PLEKHG4B: variants seen among roughly 807,000 people sequenced by gnomAD.
The protein encoded by PLEKHG4B is pleckstrin homology domain-containing family G member 4B.
A neutral mutation model predicts 121.3 loss-of-function variants in PLEKHG4B; 111 were observed. That is an observed-to-expected ratio of 0.92 (90% confidence interval 0.78 to 1.07). PLEKHG4B has a LOEUF of 1.07. Ranked by LOEUF, PLEKHG4B falls within the 50% of genes least tolerant of loss-of-function variation. The pLI, the probability that PLEKHG4B is intolerant of heterozygous loss-of-function variation, is 0.00. For missense variants in PLEKHG4B, 1,831 were observed against 1,757.8 expected (o/e 1.04, Z -0.74); for synonymous variants, 738 against 725.0 (o/e 1.02, Z -0.29).
Position 162,974 on chromosome 5 carries a change from C to A in PLEKHG4B, c.2902C>A (p.Pro968Thr). ...LSEAAPDPSL[P>T]PLAQSPPKHE... is the part of the protein sequence containing the mutation. Reference sequence around the variant, plus strand: ...TGAGGCTGCCCCAGACCCCAGCTTACCGCCCCTTGCCCAGAGCCCCCCAAA... The same window carrying A: ...TGAGGCTGCCCCAGACCCCAGCTTAACGCCCCTTGCCCAGAGCCCCCCAAA... Residue 968 changes from proline (P) to threonine (T), a missense_variant, in exon 13 of 20, where the codon CCG becomes ACG. By Grantham distance (38) the Pro-to-Thr change is conservative. Coordinates refer to ENST00000637938, the MANE Select transcript of PLEKHG4B (RefSeq NM_052909.5). 1 of 1,565,776 alleles carries A rather than the reference C, an allele frequency of 6.4e-7. No individual in the cohort carries two copies. Among genetic ancestry groups the A allele is most frequent in the Non-Finnish European group, 8.7e-7 (1 of 1,155,450 alleles).
chr5:142,679 C>T (rs924904023), intron 3 of PLEKHG4B, among the ~76,000 whole-genome samples: 5 of 152,024 alleles, frequency 3.3e-5, no homozygotes, highest in South Asian at 4.1e-4. Flanking sequence ...CACAATCACA[C>T]GTGCCAGAGT....
intron 6 of PLEKHG4B, among the ~76,000 whole-genome samples, chr5:150,124 A>G (rs751466646): frequency 6.6e-6 from 1 of 152,244 alleles, no homozygotes; most frequent in Non-Finnish European, 1.5e-5. Flanking sequence ...GTGCCCATCA[A>G]CAGATGAATG....
At chr5:149,540 C>G (rs1379910463) in intron 6 of PLEKHG4B, among the ~76,000 whole-genome samples, 2 of 145,308 alleles carry the variant, frequency 1.4e-5, no homozygotes, top group Admixed American at 1.3e-4. Flanking sequence ...GACCCCGTCT[C>G]AAAAAAAGTA....
chr5:147,419 G>A (rs950927521), intron 6 of PLEKHG4B, among the ~76,000 whole-genome samples: 6 of 152,204 alleles, frequency 3.9e-5, no homozygotes, highest in Admixed American at 6.5e-5. Context: ...TGACAGTCAA[G>A]GAACAGATGC....
intron 1 of PLEKHG4B, among the ~76,000 whole-genome samples, chr5:105,875 TG>T (rs952869316): frequency 2.0e-5 from 3 of 152,230 alleles, no homozygotes; most frequent in East Asian, 3.9e-4. Flanking sequence ...CTGTAGAAGC[TG>T]GGGGGGCCCA....
intron 1 of PLEKHG4B, among the ~76,000 whole-genome samples, chr5:108,526 G>A (rs932202652): frequency 6.8e-6 from 1 of 147,170 alleles, no homozygotes; most frequent in African/African-American, 2.6e-5. Context: ...AGACAGACTG[G>A]GTGCAGATGG....
At position 172,996 on chromosome 5, in the gene PLEKHG4B, C is replaced by T; in HGVS notation, c.4150C>T (p.Leu1384Phe). ...GAGGCATGTGTTCCTCTTTGAAGACCTCATCCTGTTTAGCAAGACCCAGAA... is the reference window on the plus strand; with the variant it reads ...GAGGCATGTGTTCCTCTTTGAAGACTTCATCCTGTTTAGCAAGACCCAGAA... The part of the protein sequence containing the change: ...YLRHVFLFED[L>F]ILFSKTQKVE... The change falls in exon 17 of 20, where the codon CTC becomes TTC. Residue 1384 changes from leucine to phenylalanine, a missense_variant. Leu to Phe is a conservative substitution (Grantham distance 22). Transcript: ENST00000637938. 6.2e-7 allele frequency: 1 copy of T among 1,614,108 alleles called. No individual in the cohort carries two copies. The highest frequency in any genetic ancestry group is 1.1e-5 in the South Asian group (1 of 91,076).
chr5:161,758 C>T lies in PLEKHG4B; in HGVS notation c.2488-25C>T, dbSNP rs1579306333. ...TGAACGTGGAAGCACCGGGCTTGTACTGATGCTTTGTTCCTTGGGTACAGC... is the reference window on the plus strand; with the variant it reads ...TGAACGTGGAAGCACCGGGCTTGTATTGATGCTTTGTTCCTTGGGTACAGC... On this transcript the variant is annotated intron_variant, in intron 11 of 19. Transcript: ENST00000637938. The T allele has an allele frequency of 2.5e-6, 4 of 1,613,246 alleles. No homozygotes were observed. The East Asian group carries it at 8.9e-5, about 36-fold the overall frequency.
chr5:125,499 A>G (rs1023036608), intron 2 of PLEKHG4B, among the ~76,000 whole-genome samples: 5 of 152,170 alleles, frequency 3.3e-5, no homozygotes, highest in African/African-American at 4.8e-5. Context: ...TTGGTTGCTG[A>G]TGTCAGAAAA....
At chr5:155,279 C>T (rs1488649997) in intron 8 of PLEKHG4B, 66 bp from the exon 9 acceptor site, 12 of 1,391,710 alleles carry the variant, frequency 8.6e-6, no homozygotes, top group Non-Finnish European at 1.0e-6. Context: ...CTGGAACTCA[C>T]AGCTGCTTAC....
At chr5:101,624 G>T (rs1733817388) in intron 1 of PLEKHG4B, among the ~76,000 whole-genome samples, 1 of 135,246 alleles carries the variant, frequency 7.4e-6, no homozygotes, top group African/African-American at 3.3e-5. Context: ...GTCTGTAGGG[G>T]AGAGACTGTT....
chr5:152,377 CT>C (rs34114320), intron 7 of PLEKHG4B, among the ~76,000 whole-genome samples: 27,959 of 142,706 alleles, frequency 0.2, 3,437 homozygotes, highest in African/African-American at 0.37. Flanking sequence ...TGCCAAGCTA[CT>C]TTTTTTTTTT....
At chr5:170,803 T>C (rs1736517499) in intron 14 of PLEKHG4B, among the ~76,000 whole-genome samples, 1 of 151,948 alleles carries the variant, frequency 6.6e-6, no homozygotes, top group African/African-American at 2.4e-5. Flanking sequence ...AAAGACAAAT[T>C]ACAGAATTCT....
At chr5:118,170 T>C (rs1231319339) in intron 2 of PLEKHG4B, among the ~76,000 whole-genome samples, 2 of 152,128 alleles carry the variant, frequency 1.3e-5, no homozygotes, top group East Asian at 3.8e-4. Flanking sequence ...TCAATAATAA[T>C]ACTAGTAACA....
intron 1 of PLEKHG4B, among the ~76,000 whole-genome samples, chr5:101,630 C>T (rs945592438): frequency 1.5e-5 from 2 of 132,424 alleles, no homozygotes; most frequent in Non-Finnish European, 3.1e-5. Flanking sequence ...AGGGGAGAGA[C>T]TGTTGTGAGG....
chr5:136,144 C>G (rs369025317), intron 2 of PLEKHG4B, among the ~76,000 whole-genome samples: 4 of 152,200 alleles, frequency 2.6e-5, no homozygotes, highest in African/African-American at 9.6e-5. Context: ...AGGACCCTTA[C>G]CTAAACCCCA....
rs757021377 is a variant in PLEKHG4B at position 163,377 on chromosome 5, A to G, written c.3305A>G (p.Asp1102Gly). Residue 1102 changes from aspartate to glycine, a missense_variant, in exon 13 of 20, where the codon GAC becomes GGC. Asp to Gly is a moderately conservative substitution (Grantham distance 94). Coordinates refer to ENST00000637938, the MANE Select transcript of PLEKHG4B (RefSeq NM_052909.5). ...GGCCCCAGGGACTCCTGCCAGCCAG[A>G]CCATACTAGTGTCTTCAGCAAGGGC... is the stretch of plus-strand genomic sequence containing the variant. ...DSGPRDSCQP[D>G]HTSVFSKGLE... 1 of 1,613,202 alleles carries G rather than the reference A, an allele frequency of 6.2e-7. No homozygotes were observed. Among genetic ancestry groups the G allele is most frequent in the South Asian group, 1.1e-5 (1 of 91,088 alleles).
intron 2 of PLEKHG4B, among the ~76,000 whole-genome samples, chr5:133,613 T>C (rs1560915690): frequency 6.6e-6 from 1 of 151,704 alleles, no homozygotes; most frequent in East Asian, 1.9e-4. Context: ...ATGGCCATAA[T>C]GAAAAAATAA....
rs1163403862 is a variant in PLEKHG4B, at chr5:140,523, T to C, written c.1284T>C (p.Ala428=). The change falls in exon 3 of 20, where the codon GCT becomes GCC. Residue 428 remains alanine, a synonymous_variant. Transcript: ENST00000637938. ...RHTPSRTGPG[A]AGRTLPRRSR... is the part of the protein sequence containing the mutation. ...CACCCAGCCGGACAGGTCCAGGAGC[T>C]GCAGGGCGGACTCTTCCCAGGAGAT... 3.1e-6 allele frequency: 5 copies of C among 1,598,478 alleles called. No individual in the cohort carries two copies. Among genetic ancestry groups the C allele is most frequent in the Non-Finnish European group, 4.3e-6 (5 of 1,173,068 alleles).
Sources: allele counts gnomAD v4.1 joint callset (sites outside exome capture counted in the v4.1 genomes callset), GRCh38; gene constraint gnomAD v4.1.1; transcripts MANE v1.5; gene names NCBI Gene and HGNC (gene_info 2026-07-23, HGNC 2026-07-21).